SOX5: variants seen among roughly 807,000 people sequenced by gnomAD.
SOX5 encodes the protein transcription factor SOX-5.
In SOX5, 9 loss-of-function variants were observed where a neutral mutation model predicts 92.0. The observed-to-expected ratio is 0.10, with a 90% CI of 0.06 to 0.17. SOX5 has a LOEUF of 0.17. Ranked by LOEUF, SOX5 falls within the 10% of genes least tolerant of loss-of-function variation. The pLI is 1.00. For missense variants in SOX5, 642 were observed against 944.5 expected, an observed-to-expected ratio of 0.68 and a Z score of 4.20; for synonymous variants, 344 against 336.3, an observed-to-expected ratio of 1.02 and a Z score of -0.25.
rs989350167 is a variant in SOX5 at position 24,364,131 on chromosome 12, T to G, written c.-174+4432A>C. Among the ~76,000 whole-genome samples, 124 of 152,270 alleles carry G rather than the reference T, an allele frequency of 8.1e-4. 3 individuals are homozygous for G. The highest frequency in any genetic ancestry group is 8.8e-5 in the Non-Finnish European group (6 of 68,022). ...GAGTCCTAAAGTGAAACTCAAAACATGTATGTGAATTTTCTCCCTCTGTTC... is the reference window on the plus strand; with the variant it reads ...GAGTCCTAAAGTGAAACTCAAAACAGGTATGTGAATTTTCTCCCTCTGTTC... On this transcript the variant is annotated intron_variant, in intron 2 of 4. Coordinates refer to the SOX5 transcript ENST00000446891.
At chr12:24,506,083 C>A (rs1011959955) in intron 1 of SOX5, among the ~76,000 whole-genome samples, 1 of 152,014 alleles carries the variant, frequency 6.6e-6, no homozygotes, top group Non-Finnish European at 1.5e-5. Context: ...GACCACACCC[C>A]CTATGTGTGA....
chr12:24,236,468 T>A (rs1321763007), intron 3 of SOX5, among the ~76,000 whole-genome samples: 1 of 152,208 alleles, frequency 6.6e-6, no homozygotes, highest in Non-Finnish European at 1.5e-5. Flanking sequence ...CAATTCCAGA[T>A]TGTTGCAAGC....
chr12:24,512,913 TACAG>T (rs1423606636), intron 1 of SOX5, among the ~76,000 whole-genome samples: 1 of 152,256 alleles, frequency 6.6e-6, no homozygotes, highest in African/African-American at 2.4e-5. Context: ...GCAATGGTAC[TACAG>T]ACAGTCCTCA....
At chr12:24,045,951 G>A (rs1956972455) in intron 4 of SOX5, among the ~76,000 whole-genome samples, 2 of 152,102 alleles carry the variant, frequency 1.3e-5, no homozygotes, top group Non-Finnish European at 2.9e-5. Flanking sequence ...TTTGTTGTCT[G>A]TATTCAACGG....
intron 9 of SOX5, among the ~76,000 whole-genome samples, chr12:23,602,506 T>G (rs1307982449): frequency 3.3e-5 from 5 of 152,096 alleles, no homozygotes; most frequent in African/African-American, 1.2e-4. Flanking sequence ...ATAAGTAATC[T>G]GGTGAGAAGG....
At chr12:23,911,270 CA>C (rs947675450) in intron 1 of SOX5, among the ~76,000 whole-genome samples, 1 of 151,840 alleles carries the variant, frequency 6.6e-6, no homozygotes, top group Non-Finnish European at 1.5e-5. Flanking sequence ...TACAAAACCC[CA>C]AAAAAATGTT....
chr12:24,381,404 T>C (rs977136754), intron 1 of SOX5, among the ~76,000 whole-genome samples: 3 of 152,166 alleles, frequency 2.0e-5, no homozygotes, highest in African/African-American at 7.2e-5. Context: ...GAAGGTGTGT[T>C]TGTCTGAAAG....
chr12:23,816,249 G>A (rs558104501), intron 3 of SOX5, among the ~76,000 whole-genome samples: 2 of 145,036 alleles, frequency 1.4e-5, no homozygotes, highest in African/African-American at 2.6e-5. Flanking sequence ...TCGGTCTGTC[G>A]CCCAGGCTGG....
At chr12:24,022,616 T>C (rs1954427310) in intron 4 of SOX5, among the ~76,000 whole-genome samples, 2 of 152,070 alleles carry the variant, frequency 1.3e-5, no homozygotes, top group Admixed American at 1.3e-4. Context: ...AAGCACAATG[T>C]TTTCCACACT....
chr12:24,321,676 A>G (rs544602420), intron 2 of SOX5, among the ~76,000 whole-genome samples: 12 of 152,316 alleles, frequency 7.9e-5, no homozygotes, highest in Admixed American at 7.2e-4. Flanking sequence ...GTACAAGAAA[A>G]ATTGCAATAT....
intron 4 of SOX5, among the ~76,000 whole-genome samples, chr12:23,970,841 A>ATATATATATATATATATTT: frequency 2.3e-4 from 5 of 21,876 alleles, no homozygotes; most frequent in East Asian, 8.6e-4. Context: ...TATATATATA[A>ATATATATATATATATATTT]TTTTTTTTTT....
At chr12:24,163,677 T>C (rs1397804863) in intron 4 of SOX5, among the ~76,000 whole-genome samples, 1 of 152,052 alleles carries the variant, frequency 6.6e-6, no homozygotes, top group Non-Finnish European at 1.5e-5. Context: ...TCAAAATGTT[T>C]TTCTGATGAT....
chr12:24,361,546 A>C (rs1400350202), intron 2 of SOX5, among the ~76,000 whole-genome samples: 1 of 151,788 alleles, frequency 6.6e-6, no homozygotes, highest in Non-Finnish European at 1.5e-5. Context: ...AGTAAATGAC[A>C]GGTACTCTAA....
At chr12:24,112,604 C>T (rs1279671764) in intron 4 of SOX5, among the ~76,000 whole-genome samples, 1 of 143,696 alleles carries the variant, frequency 7.0e-6, no homozygotes, top group Non-Finnish European at 1.5e-5. Flanking sequence ...AATCACGGCT[C>T]ACTGCAGACT....
At chr12:23,734,514 A>AGACT (rs906047833) in intron 6 of SOX5, among the ~76,000 whole-genome samples, 170 bp downstream of exon 6, 9 of 152,228 alleles carry the variant, frequency 5.9e-5, no homozygotes, top group Admixed American at 2.0e-4. Context: ...TAGGGCCTGT[A>AGACT]GACTGACCAG....
At chr12:24,293,768 A>C (rs1319832897) in intron 2 of SOX5, among the ~76,000 whole-genome samples, 2 of 152,180 alleles carry the variant, frequency 1.3e-5, no homozygotes, top group Non-Finnish European at 2.9e-5. Flanking sequence ...TCTTGCTGAC[A>C]TGGCATACTG....
chr12:24,025,307 C>T (rs1377242239), intron 4 of SOX5, among the ~76,000 whole-genome samples: 1 of 151,970 alleles, frequency 6.6e-6, no homozygotes, highest in Non-Finnish European at 1.5e-5. Flanking sequence ...TCCTGGTAAA[C>T]ATGACTTGTG....
intron 1 of SOX5, among the ~76,000 whole-genome samples, chr12:24,501,538 C>T (rs2138137658): frequency 6.6e-6 from 1 of 152,164 alleles, no homozygotes; most frequent in South Asian, 2.1e-4. Flanking sequence ...AAAACAAATA[C>T]ATTTCAGCTG....
At chr12:23,662,096 T>C (rs1173256496) in intron 7 of SOX5, among the ~76,000 whole-genome samples, 3 of 152,216 alleles carry the variant, frequency 2.0e-5, no homozygotes, top group Non-Finnish European at 4.4e-5. Flanking sequence ...TTTCATGTAA[T>C]TATTTTCAAG....
Sources: gnomAD v4.1 joint callset for allele counts (sites outside exome capture counted in the v4.1 genomes callset) on GRCh38, gnomAD v4.1.1 for gene constraint, MANE v1.5 for transcripts, NCBI Gene and HGNC (gene_info 2026-07-23, HGNC 2026-07-21) for gene names.